Variants in CGN observed in about 807,000 individuals in gnomAD.
CGN encodes cingulin.
Under a neutral mutation model 157.1 loss-of-function variants are expected in CGN, and 121 were observed. The observed-to-expected ratio is 0.77, with a 90% CI of 0.66 to 0.90. The LOEUF (loss-of-function observed/expected upper bound fraction) is 0.90, where lower values mean the gene tolerates loss of function less well. Ranked by LOEUF, CGN falls within the 40% of genes least tolerant of loss-of-function variation. The pLI, the probability that CGN is intolerant of heterozygous loss-of-function variation, is 0.00. For missense variants in CGN, 1,424 were observed against 1,520.9 expected (o/e 0.94, Z 1.06); for synonymous variants, 535 against 607.5 (o/e 0.88, Z 1.76).
At chr1:151,525,834 C>T (rs776780948) in intron 9 of CGN, 44 bp downstream of exon 9, 4 of 1,306,964 alleles carry the variant, frequency 3.1e-6, no homozygotes, top group East Asian at 2.8e-5. Context: ...ATTCATATGC[C>T]ACTTCCTTTC....
At position 151,518,813 on chromosome 1, in the gene CGN, G is replaced by T; in HGVS notation, c.294G>T (p.Leu98Phe). ...QGASGALSSDLELPENPYSQV... is the reference protein window; with the variant it reads ...QGASGALSSDFELPENPYSQV... The stretch of plus-strand genomic sequence containing the variant: ...CCTCAGGAGCTCTGAGCTCAGATTT[G>T]GAACTCCCTGAGAACCCCTACTCTC... Residue 98 changes from leucine (L) to phenylalanine (F), a missense_variant, in exon 2 of 21, where the codon TTG becomes TTT. This residue lies in a region of CGN where 1,187 missense variants were observed against 1,217.6 expected (regional missense o/e 0.97). Transcript: ENST00000271636. 6.2e-7 allele frequency: 1 copy of T among 1,614,014 alleles called. No homozygotes were observed. Among genetic ancestry groups the T allele is most frequent in the Non-Finnish European group, 8.5e-7 (1 of 1,179,944 alleles).
At chr1:151,527,189 TG>T (rs1163736498) in intron 10 of CGN, 82 bp downstream of exon 10, 6 of 1,492,718 alleles carry the variant, frequency 4.0e-6, no homozygotes, top group Non-Finnish European at 4.7e-6. Flanking sequence ...TTCTTGCTAG[TG>T]GGGCTATCTC....
rs748801718 is a variant in CGN, at chr1:151,523,413, T to C, written c.1141-21T>C. 5 of 1,596,596 alleles carry C rather than the reference T, an allele frequency of 3.1e-6. No homozygotes were observed. In the South Asian group the frequency reaches 4.6e-5, roughly 15 times the overall value. On this transcript the variant is annotated intron_variant, in intron 5 of 20. Transcript: ENST00000271636. Reference sequence around the variant, plus strand: ...GGCTTTCCCTACCCTCTACCTGCTGTACTCTCATTCCCTTTTACAGAAGCG... The same window carrying C: ...GGCTTTCCCTACCCTCTACCTGCTGCACTCTCATTCCCTTTTACAGAAGCG...
rs749116179 is a variant in CGN at position 151,532,552 on chromosome 1, C to T, written c.2722C>T (p.Leu908=). 2.6e-6 allele frequency: 4 copies of T among 1,550,330 alleles called. No homozygotes were observed. Among genetic ancestry groups the T allele is most frequent in the Non-Finnish European group, 3.5e-6 (4 of 1,153,782 alleles). The part of the protein sequence containing the change: ...ASEAEKTSGG[L]SRLQDEIQRL... ...TGAGGCTGAGAAGACCTCTGGAGGA[C>T]TGAGCCGACTTCAGGATGAGGTAGA... Residue 908 remains leucine, a synonymous_variant, in exon 14 of 21, where the codon CTG becomes TTG. Coordinates refer to ENST00000271636, the MANE Select transcript of CGN (RefSeq NM_020770.3).
At chr1:151,515,087 G>T (rs1664379386) in intron 1 of CGN, among the ~76,000 whole-genome samples, 1 of 150,390 alleles carries the variant, frequency 6.6e-6, no homozygotes, top group South Asian at 2.1e-4. Context: ...ACTGCAGCCT[G>T]TGCCTCTCAG....
At chr1:151,517,785 T>G in intron 1 of CGN, among the ~76,000 whole-genome samples, 1 of 152,096 alleles carries the variant, frequency 6.6e-6, no homozygotes, top group East Asian at 1.9e-4. Context: ...GTGCTGGGAT[T>G]ATAGGCATGA....
intron 1 of CGN, among the ~76,000 whole-genome samples, chr1:151,513,070 C>G (rs1664335701): frequency 1.3e-5 from 2 of 152,218 alleles, no homozygotes; most frequent in African/African-American, 4.8e-5. Context: ...GGCCTGTCAC[C>G]AGGTTCCTGT....
At position 151,536,549 on chromosome 1, in the gene CGN, TGTAA is replaced by T. The variant is rs1483117436; in HGVS notation, c.3307-177_3307-174del. On this transcript the variant is annotated intron_variant, in intron 19 of 20. Transcript: ENST00000271636. Reference sequence around the variant, plus strand: ...TGAGTGCTTATGATGTGCTAGGTTCTGTAAGTATTACACATGTGTTAATACATTT... The same window carrying T: ...TGAGTGCTTATGATGTGCTAGGTTCTGTATTACACATGTGTTAATACATTT... Among the ~76,000 whole-genome samples, 9 of 152,364 alleles carry T rather than the reference TGTAA, an allele frequency of 5.9e-5. No homozygotes were observed. In the East Asian group the frequency reaches 1.7e-3, roughly 29 times the overall value.
At chr1:151,528,206 C>A (rs1027984486) in intron 10 of CGN, among the ~76,000 whole-genome samples, 1 of 151,772 alleles carries the variant, frequency 6.6e-6, no homozygotes, top group Non-Finnish European at 1.5e-5. Flanking sequence ...CCAGGTTGGT[C>A]TTGATCTCCT....
At chr1:151,514,582 C>T (rs1171679467) in intron 1 of CGN, among the ~76,000 whole-genome samples, 5 of 152,024 alleles carry the variant, frequency 3.3e-5, no homozygotes, top group African/African-American at 9.7e-5. Context: ...ACATCTACCA[C>T]GTGTCCAAAC....
chr1:151,530,758 G>A lies in CGN; in HGVS notation c.2571+12G>A, dbSNP rs979038825. 6.4e-7 allele frequency: 1 copy of A among 1,551,328 alleles called. No individual in the cohort carries two copies. Among genetic ancestry groups the A allele is most frequent in the East Asian group, 2.4e-5 (1 of 40,920 alleles). ...GACTGAACAAGGAGGTGGGGCATGG[G>A]GTATTCTGGGCCTTTAGGAAGAGGC... On this transcript the variant is annotated intron_variant, in intron 13 of 20. Coordinates refer to ENST00000271636, the MANE Select transcript of CGN (RefSeq NM_020770.3).
At chr1:151,519,736 G>C (rs1362620703) in intron 2 of CGN, among the ~76,000 whole-genome samples, 1 of 152,150 alleles carries the variant, frequency 6.6e-6, no homozygotes, top group Non-Finnish European at 1.5e-5. Flanking sequence ...CAGTTTCCTT[G>C]GTGCTCTTGC....
At chr1:151,526,181 CT>C (rs10570307) in intron 9 of CGN, among the ~76,000 whole-genome samples, 85,655 of 138,824 alleles carry the variant, frequency 0.62, 29,460 homozygotes, top group Non-Finnish European at 0.8. Flanking sequence ...CCCCTTTCTC[CT>C]TTTTTTTTTT....
chr1:151,516,902 G>A (rs894464494), intron 1 of CGN, among the ~76,000 whole-genome samples: 7 of 150,366 alleles, frequency 4.7e-5, no homozygotes, highest in Non-Finnish European at 8.9e-5. Context: ...GCTCATGCCT[G>A]TAATCCCAGC....
rs1298141972 is a variant in CGN, at chr1:151,520,250, G to A, written c.958G>A (p.Gly320Ser). ...SVDHMKATIY[G>S]ILREGSSESE... ...GGACCATATGAAGGCCACCATCTATGGCATCCTGAGGGAGGGGTGAGTGGG... is the reference window on the plus strand; with the variant it reads ...GGACCATATGAAGGCCACCATCTATAGCATCCTGAGGGAGGGGTGAGTGGG... The change falls in exon 3 of 21, where the codon GGC becomes AGC. Residue 320 changes from glycine (G) to serine (S), a missense_variant. Physicochemically the swap from Gly to Ser is moderately conservative, Grantham distance 56. Coordinates refer to ENST00000271636, the MANE Select transcript of CGN (RefSeq NM_020770.3). The A allele has an allele frequency of 2.5e-6, 4 of 1,613,460 alleles. No individual in the cohort carries two copies. The highest frequency in any genetic ancestry group is 3.3e-5 in the Admixed American group (2 of 59,988).
intron 13 of CGN, among the ~76,000 whole-genome samples, chr1:151,532,149 C>A (rs1001404594): frequency 7.9e-5 from 12 of 151,980 alleles, no homozygotes; most frequent in African/African-American, 2.2e-4. Context: ...ATTTTTAATC[C>A]CATTTTACAG....
In CGN at chr1:151,524,592, A is replaced by C. The variant is rs56190278; in HGVS notation, c.1402-82A>C. On this transcript the variant is annotated intron_variant, in intron 7 of 20. Transcript: ENST00000271636. The surrounding 1 kb of genome is among the most constrained non-coding windows in gnomAD (Gnocchi z 4.4). ...CACCTGGTACTGTGCCTAATACGAT[A>C]AATATTTTTTGACTCAGTGAATTGA... 2.0e-3 allele frequency: 2,556 copies of C among 1,308,902 alleles called. 14 individuals carry two copies. The highest frequency in any genetic ancestry group is 0.014 in the Middle Eastern group (54 of 3,854). The allele number at this position is 1,308,902 out of a possible 1,614,324, so 81.1% of individuals were successfully genotyped here. A position where few individuals can be genotyped will look rare whatever the true frequency, so the allele number is the denominator to read the frequency against.
At chr1:151,527,950 ATTTT>A (rs374689451) in intron 10 of CGN, 53 of 81,442 alleles carry the variant, frequency 6.5e-4, no homozygotes, top group Middle Eastern at 0.012. Flanking sequence ...ATATATATAT[ATTTT>A]TTTTTTTTTT....
At chr1:151,535,722 G>C in intron 17 of CGN, 39 bp downstream of exon 17, 4 of 1,607,902 alleles carry the variant, frequency 2.5e-6, no homozygotes, top group Non-Finnish European at 3.4e-6. Context: ...ATGGACCCCA[G>C]GAGGTGAGTA....
Sources: gnomAD v4.1 joint callset for allele counts (sites outside exome capture counted in the v4.1 genomes callset) on GRCh38, gnomAD v4.1.1 for gene constraint, gnomAD v4.1.1 regional missense constraint, Gnocchi (gnomAD v3.1) non-coding constraint, MANE v1.5 for transcripts, NCBI Gene and HGNC (gene_info 2026-07-23, HGNC 2026-07-21) for gene names.